EIF4G3: variants seen among roughly 807,000 people sequenced by gnomAD.
The protein encoded by EIF4G3 is eukaryotic translation initiation factor 4 gamma 3.
A neutral mutation model predicts 186.4 loss-of-function variants in EIF4G3; 34 were observed. The ratio of observed to expected loss-of-function variants is 0.18; its 90% CI spans 0.14 to 0.24. The LOEUF is 0.24. EIF4G3 is among the 10% of genes least tolerant of loss of function. EIF4G3 has a pLI of 1.00. For synonymous variants in EIF4G3, 673 were observed against 679.5 expected, an observed-to-expected ratio of 0.99 and a Z score of 0.15; for missense variants, 1,536 against 1,948.5, an observed-to-expected ratio of 0.79 and a Z score of 3.99.
chr1:20,853,748 T>A, intron 26 of EIF4G3, 71 bp from the exon 27 acceptor site: 1 of 1,184,350 alleles, frequency 8.4e-7, no homozygotes, highest in Non-Finnish European at 1.2e-6. Context: ...GTCATCTGCA[T>A]CCCTAGGTGA....
intron 10 of EIF4G3, among the ~76,000 whole-genome samples, chr1:20,974,512 T>C (rs1233467551): frequency 6.6e-6 from 1 of 152,180 alleles, no homozygotes; most frequent in Non-Finnish European, 1.5e-5. Context: ...AAAAGTTGTT[T>C]GGGCAGAGAG....
At chr1:20,938,065 T>G (rs2154561902) in intron 14 of EIF4G3, among the ~76,000 whole-genome samples, 1 of 152,164 alleles carries the variant, frequency 6.6e-6, no homozygotes, top group South Asian at 2.1e-4. Flanking sequence ...GGCGCGATGT[T>G]GGATCACTGC....
intron 7 of EIF4G3, among the ~76,000 whole-genome samples, chr1:20,986,743 CCAAAAA>C (rs1200673634): frequency 1.1e-4 from 1 of 8,706 alleles, no homozygotes; most frequent in East Asian, 0.012. Flanking sequence ...AGCTCTGTCT[CCAAAAA>C]AAAAAAAAAA....
intron 19 of EIF4G3, among the ~76,000 whole-genome samples, 181 bp downstream of exon 19, chr1:20,886,020 T>C (rs1460266099): frequency 6.6e-6 from 1 of 152,208 alleles, no homozygotes; most frequent in African/African-American, 2.4e-5. Flanking sequence ...CATAAAGCAA[T>C]TTCAAGAGAA....
At chr1:20,826,783 C>G (rs1270270010) in intron 32 of EIF4G3, among the ~76,000 whole-genome samples, 2 of 152,010 alleles carry the variant, frequency 1.3e-5, no homozygotes, top group East Asian at 3.9e-4. Context: ...TCACTGCGCC[C>G]GGCCAGAATG....
At chr1:21,159,923 T>C (rs530896422) in intron 2 of EIF4G3, among the ~76,000 whole-genome samples, 2 of 152,178 alleles carry the variant, frequency 1.3e-5, no homozygotes, top group East Asian at 1.9e-4. Flanking sequence ...CTGGGCAACA[T>C]GGTGAAACCC....
intron 7 of EIF4G3, among the ~76,000 whole-genome samples, chr1:20,985,534 A>G (rs929094341): frequency 4.0e-5 from 6 of 151,666 alleles, no homozygotes; most frequent in South Asian, 4.2e-4. Flanking sequence ...AAAAAAATAT[A>G]TATCCTTTTT....
intron 2 of EIF4G3, among the ~76,000 whole-genome samples, chr1:21,115,680 T>A (rs2096804662): frequency 6.6e-6 from 1 of 152,146 alleles, no homozygotes. Context: ...CTGTATACAG[T>A]TAAATGAGAC....
At chr1:20,963,420 T>C (rs2073890199) in intron 12 of EIF4G3, among the ~76,000 whole-genome samples, 1 of 151,360 alleles carries the variant, frequency 6.6e-6, no homozygotes, top group African/African-American at 2.4e-5. Context: ...AGGTATCAAC[T>C]TCATAAGCAG....
chr1:20,970,068 A>G (rs1319213820), intron 11 of EIF4G3, among the ~76,000 whole-genome samples: 1 of 152,050 alleles, frequency 6.6e-6, no homozygotes, highest in African/African-American at 2.4e-5. Context: ...GGTTCAAGCG[A>G]TTCTCGTGCC....
rs762068508 is a variant in EIF4G3 at position 21,041,989 on chromosome 1, CT to C, written c.-67+8876del. On this transcript the variant is annotated intron_variant, in intron 4 of 36. Coordinates refer to ENST00000602326, the MANE Select transcript of EIF4G3 (RefSeq NM_001391906.1). ...AATTATAACAAATTTCTTTTCTTTT[CT>C]TTTTTTTTTTTTTGGAGACAGGGTC... Among the ~76,000 whole-genome samples the C allele has an allele frequency of 6.8e-3, 971 of 141,890 alleles. 8 individuals are homozygous for C. The highest frequency in any genetic ancestry group is 0.017 in the African/African-American group (667 of 39,034). 93.1% of individuals were successfully genotyped at this position (141,890 alleles called of 152,430 possible).
At chr1:21,051,254 A>G (rs966152472) in intron 3 of EIF4G3, among the ~76,000 whole-genome samples, 24 of 152,332 alleles carry the variant, frequency 1.6e-4, no homozygotes, top group African/African-American at 5.1e-4. Context: ...AGGAAAACAC[A>G]TGCTACAGGA....
intron 14 of EIF4G3, among the ~76,000 whole-genome samples, chr1:20,931,891 C>A (rs544954736): frequency 6.6e-6 from 1 of 150,694 alleles, no homozygotes; most frequent in Non-Finnish European, 1.5e-5. Context: ...TGCCACTGCA[C>A]TCCAGGCTGG....
intron 2 of EIF4G3, among the ~76,000 whole-genome samples, chr1:21,150,748 G>T (rs1429553994): frequency 1.3e-5 from 2 of 152,162 alleles, no homozygotes; most frequent in Non-Finnish European, 2.9e-5. Context: ...AGGCCGAGGC[G>T]GGTGGACCAC....
intron 14 of EIF4G3, among the ~76,000 whole-genome samples, chr1:20,920,814 T>C (rs1243838195): frequency 6.6e-6 from 1 of 152,148 alleles, no homozygotes; most frequent in Non-Finnish European, 1.5e-5. Context: ...GGTCACTCTC[T>C]AGAAATACTG....
intron 25 of EIF4G3, among the ~76,000 whole-genome samples, chr1:20,855,886 A>ATTAATTGC (rs1327581294): frequency 6.6e-6 from 1 of 152,202 alleles, no homozygotes; most frequent in Admixed American, 6.5e-5. Context: ...AGCAATTTAC[A>ATTAATTGC]TACTTAAAAA....
chr1:21,155,314 CAAT>C (rs1268736273), intron 2 of EIF4G3, among the ~76,000 whole-genome samples: 2 of 141,128 alleles, frequency 1.4e-5, no homozygotes, highest in African/African-American at 5.3e-5. Context: ...CATCAATCCA[CAAT>C]AATGAGGCAA....
chr1:21,012,817 A>G (rs988234617), intron 4 of EIF4G3, among the ~76,000 whole-genome samples: 37 of 152,176 alleles, frequency 2.4e-4, no homozygotes, highest in Non-Finnish European at 2.2e-4. Context: ...CATATCGGGA[A>G]AACAGAAAGA....
At chr1:21,145,553 C>T (rs898993473) in intron 2 of EIF4G3, among the ~76,000 whole-genome samples, 1 of 151,968 alleles carries the variant, frequency 6.6e-6, no homozygotes, top group Non-Finnish European at 1.5e-5. Flanking sequence ...GTTTGAGTCA[C>T]CCCACCTAGC....
Sources: gnomAD v4.1 joint callset for allele counts (sites outside exome capture counted in the v4.1 genomes callset) on GRCh38, gnomAD v4.1.1 for gene constraint, MANE v1.5 for transcripts, NCBI Gene and HGNC (gene_info 2026-07-23, HGNC 2026-07-21) for gene names.